The following BBS2 variants were observed in gnomAD, a reference collection of about 807,000 sequenced individuals.
BBS2 encodes BBSome complex member BBS2.
Under a neutral mutation model 83.0 loss-of-function variants are expected in BBS2, and 62 were observed. That is an observed-to-expected ratio of 0.75 (90% CI 0.61 to 0.92). The LOEUF (loss-of-function observed/expected upper bound fraction) is 0.92, where lower values mean the gene tolerates loss of function less well. Among genes scored for constraint, BBS2 ranks in the 40% least tolerant of loss-of-function variants. The probability of loss-of-function intolerance (pLI) is 0.00; values close to 1 mark genes in which losing one functional copy is unlikely to be tolerated. For missense variants in BBS2, 784 were observed against 901.0 expected (o/e 0.87, Z 1.66); for synonymous variants, 303 against 326.1 (o/e 0.93, Z 0.76).
chr16:56,502,618 G>C (rs1450636805), intron 8 of BBS2, 55 bp downstream of exon 8: 1 of 1,613,056 alleles, frequency 6.2e-7, no homozygotes, highest in Non-Finnish European at 8.5e-7. Flanking sequence ...CTGATATTTT[G>C]ACCCAATCAA....
chr16:56,509,880 C>T (rs1964529026), intron 5 of BBS2, 77 bp downstream of exon 5: 3 of 1,495,094 alleles, frequency 2.0e-6, no homozygotes, highest in African/African-American at 2.8e-5. Context: ...TGCCCCAGCA[C>T]TCTCACTTGA....
intron 15 of BBS2, among the ~76,000 whole-genome samples, chr16:56,489,536 C>T (rs1388552898): frequency 1.3e-5 from 2 of 151,776 alleles, no homozygotes; most frequent in Non-Finnish European, 2.9e-5. Context: ...GTGGCTCACA[C>T]CTGTAATCCC....
intron 1 of BBS2, among the ~76,000 whole-genome samples, chr16:56,518,749 CTTGTCTG>C (rs1186285700): frequency 2.0e-5 from 3 of 152,220 alleles, no homozygotes; most frequent in African/African-American, 7.2e-5. Context: ...TCTGATTTGC[CTTGTCTG>C]TTAGCTTCTG....
chr16:56,484,894 A>C, intron 16 of BBS2, 27 bp from the exon 17 acceptor site: 1 of 1,548,218 alleles, frequency 6.5e-7, no homozygotes, highest in Non-Finnish European at 8.9e-7. Context: ...ATCAGGAACC[A>C]AAAGATTGTT....
rs549727972 is a variant in BBS2 at position 56,500,028 on chromosome 16, G to A, written c.1398-121C>T. On this transcript the variant is annotated intron_variant, in intron 11 of 16. Coordinates refer to ENST00000245157, the MANE Select transcript of BBS2 (RefSeq NM_031885.5). ...ATTGATATTTAAGGGTTTCACTTAA[G>A]AAGGAACCCCCAAAACACTTGAGGG... is the stretch of plus-strand genomic sequence containing the variant. 61 of 1,225,116 alleles carry A rather than the reference G, an allele frequency of 5.0e-5. 1 individual carries two copies. In the African/African-American group the frequency reaches 8.7e-4, roughly 17 times the overall value. 75.9% of individuals were successfully genotyped at this position (1,225,116 alleles called of 1,614,324 possible).
At chr16:56,481,815 G>A (rs72814493), downstream of BBS2, among the ~76,000 whole-genome samples, 187 of 152,176 alleles carry the variant, frequency 1.2e-3, 1 homozygote, top group Non-Finnish European at 2.1e-3. Flanking sequence ...TTTTCACTTC[G>A]GCCAGTCTTT....
chr16:56,519,798 C>T lies in BBS2; in HGVS notation c.65G>A (p.Gly22Glu). Residue 22 changes from glycine to glutamate, a missense_variant, in exon 1 of 17, where the codon GGG (glycine) becomes GAG (glutamate). Coordinates refer to ENST00000245157, the MANE Select transcript of BBS2 (RefSeq NM_031885.5). ...GCACGGGTGAGTCCCGTCGTAGCGC[C>T]CTATGGCCACCATTCGGGGGCTGAT... ...HKISPRMVAI[G>E]RYDGTHPCLA... The T allele has an allele frequency of 6.2e-7, 1 of 1,613,806 alleles. No homozygotes were observed. Among genetic ancestry groups the T allele is most frequent in the Non-Finnish European group, 8.5e-7 (1 of 1,179,822 alleles).
chr16:56,502,962 T>A (rs1964320445), intron 7 of BBS2, among the ~76,000 whole-genome samples, 154 bp from the exon 8 acceptor site: 1 of 152,220 alleles, frequency 6.6e-6, no homozygotes, highest in Admixed American at 6.5e-5. Flanking sequence ...TACCTATGAC[T>A]GCTGGGGCCA....
chr16:56,502,886 T>C, intron 7 of BBS2, 78 bp from the exon 8 acceptor site: 1 of 1,533,914 alleles, frequency 6.5e-7, no homozygotes, highest in South Asian at 1.2e-5. Flanking sequence ...AAAAATCAGC[T>C]TTAAAGGTCA....
At chr16:56,492,485 T>G (rs1395062179) in intron 15 of BBS2, among the ~76,000 whole-genome samples, 2 of 152,154 alleles carry the variant, frequency 1.3e-5, no homozygotes, top group African/African-American at 4.8e-5. Flanking sequence ...AGTAGAATGA[T>G]AGTTGAAAGA....
At position 56,502,631 on chromosome 16, in the gene BBS2, G is replaced by A. The variant is rs1167872640; in HGVS notation, c.940+42C>T. The A allele has an allele frequency of 3.1e-6, 5 of 1,613,946 alleles. No homozygotes were observed. The East Asian group carries it at 6.7e-5, about 22-fold the overall frequency. ...TCCTGATATTTTGACCCAATCAAAT[G>A]GAAAACGTGACTTTTTAAGGATTTT... is the stretch of plus-strand genomic sequence containing the variant. On this transcript the variant is annotated intron_variant, in intron 8 of 16. Coordinates refer to ENST00000245157, the MANE Select transcript of BBS2 (RefSeq NM_031885.5).
chr16:56,494,643 C>A (rs1964061214), intron 15 of BBS2, among the ~76,000 whole-genome samples: 1 of 152,106 alleles, frequency 6.6e-6, no homozygotes, highest in African/African-American at 2.4e-5. Context: ...CCTAAAGAGA[C>A]TTCCATTGCC....
chr16:56,482,236 A>C (rs1963674233), downstream of BBS2, among the ~76,000 whole-genome samples: 1 of 152,154 alleles, frequency 6.6e-6, no homozygotes, highest in Non-Finnish European at 1.5e-5. Flanking sequence ...TAAAACAAAG[A>C]CTCAACAGTA....
At chr16:56,510,371 T>C (rs1340435969) in intron 4 of BBS2, among the ~76,000 whole-genome samples, 3 of 152,116 alleles carry the variant, frequency 2.0e-5, no homozygotes, top group African/African-American at 7.2e-5. Context: ...GAGTCCAGTG[T>C]CCATGGACAA....
intron 7 of BBS2, among the ~76,000 whole-genome samples, chr16:56,504,898 G>C (rs1371643000): frequency 1.3e-5 from 2 of 152,132 alleles, no homozygotes; most frequent in Middle Eastern, 3.2e-3. Context: ...GAGGTGATTA[G>C]GTCATAAGGG....
At chr16:56,485,390 T>C (rs1338773421) in intron 16 of BBS2, among the ~76,000 whole-genome samples, 200 bp downstream of exon 16, 1 of 152,186 alleles carries the variant, frequency 6.6e-6, no homozygotes, top group East Asian at 1.9e-4. Context: ...GCTGAAGGTT[T>C]TCTCTCCCTT....
intron 12 of BBS2, 60 bp downstream of exon 12, chr16:56,499,718 A>G: frequency 6.2e-7 from 1 of 1,606,452 alleles, no homozygotes; most frequent in Non-Finnish European, 8.5e-7. Flanking sequence ...CTTTCTATGA[A>G]ATAACATCTA....
At chr16:56,489,125 C>A (rs1431117915) in intron 15 of BBS2, among the ~76,000 whole-genome samples, 1 of 151,756 alleles carries the variant, frequency 6.6e-6, no homozygotes, top group Non-Finnish European at 1.5e-5. Flanking sequence ...GATGGCTTAA[C>A]CTCAGGAGTT....
intron 17 of BBS2, chr16:56,476,242 C>T (rs555267987): frequency 1.9e-5 from 30 of 1,586,754 alleles, no homozygotes; most frequent in Middle Eastern, 2.3e-4. Context: ...TGTGACCCTT[C>T]GTAATTACTG....
Sources: allele counts gnomAD v4.1 joint callset (sites outside exome capture counted in the v4.1 genomes callset), GRCh38; gene constraint gnomAD v4.1.1; transcripts MANE v1.5; gene names NCBI Gene and HGNC (gene_info 2026-07-23, HGNC 2026-07-21).